Variants in BLM observed in about 807,000 individuals in gnomAD.
BLM encodes the protein recQ-like DNA helicase BLM.
BLM carries 95 observed loss-of-function variants against 135.3 expected under a neutral mutation model. The observed-to-expected ratio is 0.70, with a 90% CI of 0.59 to 0.83. BLM has a LOEUF of 0.83. Among genes scored for constraint, BLM ranks in the 40% least tolerant of loss-of-function variants. BLM has a pLI of 0.00. For synonymous variants in BLM, 520 were observed against 589.2 expected (o/e 0.88, Z 1.70); for missense variants, 1,518 against 1,663.9 (o/e 0.91, Z 1.53).
intron 15 of BLM, among the ~76,000 whole-genome samples, chr15:90,792,135 A>T (rs1250527789): frequency 7.6e-6 from 1 of 131,002 alleles, no homozygotes; most frequent in African/African-American, 3.0e-5. Context: ...CTTGTTGCCT[A>T]GGCTGAAGTG....
intron 3 of BLM, among the ~76,000 whole-genome samples, 190 bp downstream of exon 3, chr15:90,750,257 T>C: frequency 6.6e-6 from 1 of 152,220 alleles, no homozygotes; most frequent in East Asian, 1.9e-4. Flanking sequence ...AAGGTTTTAG[T>C]CTGCTAATAT....
intron 14 of BLM, among the ~76,000 whole-genome samples, chr15:90,785,998 CT>C (rs869185558): frequency 0.048 from 5,258 of 110,592 alleles, 65 homozygotes; most frequent in Non-Finnish European, 0.055. Flanking sequence ...TCGTTTCTTT[CT>C]TTTTTTTTTT....
intron 12 of BLM, among the ~76,000 whole-genome samples, chr15:90,778,153 T>C (rs1359425010): frequency 2.0e-5 from 3 of 152,250 alleles, no homozygotes; most frequent in African/African-American, 7.2e-5. Flanking sequence ...TTCAGTTAGT[T>C]ACCCACAGTC....
chr15:90,799,198 C>T (rs1433777405), intron 17 of BLM, among the ~76,000 whole-genome samples: 1 of 151,208 alleles, frequency 6.6e-6, no homozygotes, highest in Non-Finnish European at 1.5e-5. Flanking sequence ...AAGAGGAAGA[C>T]CAAATAAATA....
rs2227935 is a variant in BLM at position 90,782,869 on chromosome 15, C to A, written c.2603C>A (p.Pro868Gln). The A allele has an allele frequency of 6.2e-7, 1 of 1,613,396 alleles. No individual in the cohort carries two copies. Residue 868 changes from proline (P) to glutamine (Q), a missense_variant, in exon 13 of 22, where the codon CCG becomes CAG. Pro to Gln is a moderately conservative substitution (Grantham distance 76). Transcript: ENST00000355112. ...NRHNLKYYVL[P>Q]KKPKKVAFDC... ...CATAATCTGAAATACTATGTATTAC[C>A]GAAAAAGCCTAAAAAGGTGGCATTT...
intron 12 of BLM, among the ~76,000 whole-genome samples, chr15:90,782,413 A>G (rs1195150696): frequency 6.6e-6 from 1 of 152,118 alleles, no homozygotes; most frequent in Non-Finnish European, 1.5e-5. Context: ...AAAACAAAAC[A>G]AAAACTACTT....
At chr15:90,784,354 G>A (rs1246900245) in intron 13 of BLM, among the ~76,000 whole-genome samples, 1 of 78,338 alleles carries the variant, frequency 1.3e-5, no homozygotes, top group East Asian at 3.6e-4. Context: ...TTTTTTTTGA[G>A]GCTGAGTCTC....
At chr15:90,770,177 C>CCCT (rs1555420977) in intron 12 of BLM, among the ~76,000 whole-genome samples, 18 of 128,234 alleles carry the variant, frequency 1.4e-4, no homozygotes, top group African/African-American at 4.7e-4. Context: ...TCCCCCCCCC[C>CCCT]TTTTTTTTTT....
At chr15:90,775,071 A>G (rs1477806881) in intron 12 of BLM, among the ~76,000 whole-genome samples, 1 of 152,224 alleles carries the variant, frequency 6.6e-6, no homozygotes, top group South Asian at 2.1e-4. Context: ...ACAGAAAGTT[A>G]GAGGTAGAGC....
Position 90,749,918 on chromosome 15 carries a change from A to T in BLM, c.650A>T (p.Gln217Leu). ...DLPPPSSESE[Q>L]IDLTEEQKDD... ...CCTCCACCCTCCTCTGAAAGCGAGC[A>T]AATAGATTTGACTGAGGAACAGAAG... Residue 217 changes from glutamine (Q) to leucine (L), a missense_variant, in exon 3 of 22, where the codon CAA becomes CTA. This residue lies in a region of BLM where 724 missense variants were observed against 756.9 expected (regional missense o/e 0.96). Coordinates refer to ENST00000355112, the MANE Select transcript of BLM (RefSeq NM_000057.4). 4 of 1,613,498 alleles carry T rather than the reference A, an allele frequency of 2.5e-6. No individual in the cohort carries two copies. The highest frequency in any genetic ancestry group is 3.4e-6 in the Non-Finnish European group (4 of 1,179,384).
chr15:90,731,295 T>G (rs1309435914), intron 1 of BLM, among the ~76,000 whole-genome samples: 1 of 152,198 alleles, frequency 6.6e-6, no homozygotes, highest in African/African-American at 2.4e-5. Context: ...TGTTTGGGAC[T>G]TTTGCATCTA....
At chr15:90,727,027 G>A (rs999771141) in intron 1 of BLM, among the ~76,000 whole-genome samples, 2 of 152,266 alleles carry the variant, frequency 1.3e-5, no homozygotes, top group African/African-American at 4.8e-5. Flanking sequence ...CATAGTGGCT[G>A]TACTAGTTTA....
intron 1 of BLM, among the ~76,000 whole-genome samples, chr15:90,738,755 A>G (rs1895287627): frequency 6.6e-6 from 1 of 152,206 alleles, no homozygotes; most frequent in African/African-American, 2.4e-5. Flanking sequence ...AAACCAGGAG[A>G]TAAGACCTCA....
intron 15 of BLM, among the ~76,000 whole-genome samples, chr15:90,793,521 C>T (rs1896957040): frequency 6.6e-6 from 1 of 152,174 alleles, no homozygotes; most frequent in Non-Finnish European, 1.5e-5. Context: ...CCGACACTGC[C>T]ACCCTCATTT....
intron 21 of BLM, among the ~76,000 whole-genome samples, chr15:90,811,852 T>G (rs1231200560): frequency 1.3e-5 from 2 of 152,184 alleles, no homozygotes; most frequent in East Asian, 3.9e-4. Flanking sequence ...CAGATGGAGT[T>G]TCCCCATGTT....
rs112859982 is a variant in BLM at position 90,746,031 on chromosome 15, T to C, written c.-4-1358T>C. ...AGGTCGAGGCTGCAGTGAGCTGTGATTGAGCCAGTGTACTCCAGCCTGGGC... is the reference window on the plus strand; with the variant it reads ...AGGTCGAGGCTGCAGTGAGCTGTGACTGAGCCAGTGTACTCCAGCCTGGGC... On this transcript the variant is annotated intron_variant, in intron 1 of 21. Coordinates refer to ENST00000355112, the MANE Select transcript of BLM (RefSeq NM_000057.4). Among the ~76,000 whole-genome samples, 955 of 152,258 alleles carry C rather than the reference T, an allele frequency of 6.3e-3. 11 individuals are homozygous for C. The highest frequency in any genetic ancestry group is 0.022 in the African/African-American group (912 of 41,522).
intron 1 of BLM, among the ~76,000 whole-genome samples, chr15:90,726,740 T>C (rs568936197): frequency 2.6e-5 from 4 of 152,370 alleles, no homozygotes; most frequent in South Asian, 4.1e-4. Context: ...TCAGGTTCCA[T>C]GTTGCTGTGA....
chr15:90,769,420 AT>A lies in BLM; in HGVS notation c.2407-9del, dbSNP rs747699258. 33 of 1,606,078 alleles carry A rather than the reference AT, an allele frequency of 2.1e-5. No homozygotes were observed. Among genetic ancestry groups the A allele is most frequent in the African/African-American group, 2.7e-5 (2 of 74,622 alleles). ...AGCTCCAAGTAGTCTGAAAAGCAGT[AT>A]TTTTTTTTCCAACTAGTGGGGACAT... On this transcript the variant is annotated splice_polypyrimidine_tract_variant and intron_variant, in intron 11 of 21. Transcript: ENST00000355112.
chr15:90,752,067 T>C (rs2151149914), intron 4 of BLM, 121 bp downstream of exon 4: 2 of 983,890 alleles, frequency 2.0e-6, no homozygotes, highest in East Asian at 5.4e-5. Context: ...TATTTTACAT[T>C]CAAGTGAAAG....
Sources: gnomAD v4.1 joint callset for allele counts (sites outside exome capture counted in the v4.1 genomes callset) on GRCh38, gnomAD v4.1.1 for gene constraint, gnomAD v4.1.1 regional missense constraint, MANE v1.5 for transcripts, NCBI Gene and HGNC (gene_info 2026-07-23, HGNC 2026-07-21) for gene names.